HEATR9: variants seen among roughly 807,000 people sequenced by gnomAD.
The protein encoded by HEATR9 is protein HEATR9.
A neutral mutation model predicts 68.2 loss-of-function variants in HEATR9; 54 were observed. The ratio of observed to expected loss-of-function variants is 0.79; its 90% CI spans 0.64 to 0.99. The LOEUF (loss-of-function observed/expected upper bound fraction) is 0.99, where lower values mean the gene tolerates loss of function less well. HEATR9 is among the 50% of genes least tolerant of loss of function. The pLI, the probability that HEATR9 is intolerant of heterozygous loss-of-function variation, is 0.00. For missense variants in HEATR9, 662 were observed against 679.7 expected, an observed-to-expected ratio of 0.97 and a Z score of 0.29; for synonymous variants, 241 against 253.5, an observed-to-expected ratio of 0.95 and a Z score of 0.47.
chr17:35,859,818 T>TG (rs2087912543), intron 8 of HEATR9, among the ~76,000 whole-genome samples: 1 of 152,244 alleles, frequency 6.6e-6, no homozygotes, highest in Admixed American at 6.5e-5. Context: ...TGGGCAGTTC[T>TG]CTTTCTCACT....
intron 6 of HEATR9, chr17:35,863,951 T>G (rs999433546): frequency 3.7e-6 from 2 of 538,424 alleles, no homozygotes; most frequent in Non-Finnish European, 6.6e-6. Flanking sequence ...GTGTTTCCAG[T>G]AAAGGCAGAG....
Position 35,868,814 on chromosome 17 carries a change from G to A in HEATR9, c.-72C>T. On this transcript the variant is annotated 5_prime_UTR_variant, in exon 1 of 15. Transcript: ENST00000604834. Reference sequence around the variant, plus strand: ...AGGCTTTTAGGGGAGTGGGGGCACAGCTGGAGGAGACCTGTCCTCTGTGGT... The same window carrying A: ...AGGCTTTTAGGGGAGTGGGGGCACAACTGGAGGAGACCTGTCCTCTGTGGT... 1.5e-6 allele frequency: 2 copies of A among 1,343,604 alleles called. No individual in the cohort carries two copies. The highest frequency in any genetic ancestry group is 1.8e-4 in the Middle Eastern group (1 of 5,566). 83.2% of individuals were successfully genotyped at this position (1,343,604 alleles called of 1,614,324 possible). A position where few individuals can be genotyped will look rare whatever the true frequency, so the allele number is the denominator to read the frequency against.
intron 1 of HEATR9, among the ~76,000 whole-genome samples, chr17:35,867,666 A>T (rs762372717): frequency 6.6e-6 from 1 of 152,070 alleles, no homozygotes; most frequent in Non-Finnish European, 1.5e-5. Flanking sequence ...GAAAAAAAAA[A>T]TCACTTGGAG....
intron 8 of HEATR9, among the ~76,000 whole-genome samples, chr17:35,862,137 TCAA>T (rs1238436266): frequency 6.6e-6 from 1 of 152,122 alleles, no homozygotes; most frequent in Non-Finnish European, 1.5e-5. Flanking sequence ...CCTCAGCCTC[TCAA>T]CGTGCTGGGA....
rs2087855641 is a variant in HEATR9 at position 35,858,444 on chromosome 17, T to C, written c.1021A>G (p.Ser341Gly). ...KAILDQLCSS[S>G]VLEDRFEATQ... is the part of the protein sequence containing the mutation. ...AGTCCAGAGCTTACCTCAAGGACACTGGAAGAACACAGCTGGTCTAGGATG... is the reference window on the plus strand; with the variant it reads ...AGTCCAGAGCTTACCTCAAGGACACCGGAAGAACACAGCTGGTCTAGGATG... Residue 341 changes from serine to glycine, a missense_variant, in exon 10 of 15, where the codon AGT becomes GGT. Physicochemically the swap from Ser to Gly is moderately conservative, Grantham distance 56. Transcript: ENST00000604834. 6.2e-7 allele frequency: 1 copy of C among 1,614,114 alleles called. No homozygotes were observed. The highest frequency in any genetic ancestry group is 8.5e-7 in the Non-Finnish European group (1 of 1,180,002).
intron 8 of HEATR9, chr17:35,861,304 T>C: frequency 7.1e-7 from 1 of 1,399,766 alleles, no homozygotes; most frequent in Non-Finnish European, 1.0e-6. Context: ...GTCAATAGTT[T>C]TATTCCATAG....
chr17:35,858,789 C>T, intron 9 of HEATR9, 99 bp downstream of exon 9: 1 of 1,328,662 alleles, frequency 7.5e-7, no homozygotes, highest in Middle Eastern at 2.7e-4. Flanking sequence ...CACAGAGGAT[C>T]CTGCAGTGCT....
rs945636458 is a variant in HEATR9 at position 35,865,121 on chromosome 17, T to G, written c.320+94A>C. 45 of 1,444,472 alleles carry G rather than the reference T, an allele frequency of 3.1e-5. No homozygotes were observed. The African/African-American group carries it at 5.8e-4, about 19-fold the overall frequency. The allele number at this position is 1,444,472 out of a possible 1,614,324, so 89.5% of individuals were successfully genotyped here. A position where few individuals can be genotyped will look rare whatever the true frequency, so the allele number is the denominator to read the frequency against. ...TCCTCTCTGGGACCTGTAGGCTGAC[T>G]TGCCTTACTCCCTGGCCCACCCCTT... is the stretch of plus-strand genomic sequence containing the variant. On this transcript the variant is annotated intron_variant, in intron 3 of 14. Coordinates refer to ENST00000604834, the MANE Select transcript of HEATR9 (RefSeq NM_152781.4).
At chr17:35,859,222 T>A (rs2087888984) in intron 8 of HEATR9, 152 bp from the exon 9 acceptor site, 1 of 693,316 alleles carries the variant, frequency 1.4e-6, no homozygotes, top group African/African-American at 1.8e-5. Context: ...ACCTACTTGC[T>A]TCTAGGTCAG....
chr17:35,858,671 G>T, intron 9 of HEATR9, 146 bp from the exon 10 acceptor site: 2 of 837,940 alleles, frequency 2.4e-6, no homozygotes, highest in Non-Finnish European at 3.8e-6. Context: ...AGAAGTTCAT[G>T]TGTGCATATA....
At chr17:35,868,483 A>G in intron 1 of HEATR9, 172 bp downstream of exon 1, 1 of 1,226,716 alleles carries the variant, frequency 8.2e-7, no homozygotes, top group Admixed American at 2.9e-5. Context: ...CCTGCTGAGG[A>G]GCCTGAGACC....
chr17:35,862,116 G>C (rs2088016598), intron 8 of HEATR9, among the ~76,000 whole-genome samples: 2 of 152,058 alleles, frequency 1.3e-5, no homozygotes, highest in Admixed American at 1.3e-4. Context: ...CTGACCTCAA[G>C]TGAACATCTG....
In HEATR9 at chr17:35,855,306, C is replaced by T. The variant is rs1002521285; in HGVS notation, c.1470G>A (p.Lys490=). Residue 490 remains lysine, a synonymous_variant, in exon 15 of 15, where the codon AAG becomes AAA. Transcript: ENST00000604834. ...CTTTCTGGAACCTTGTGGGCTCTGCCTTCACATTGGTCTTAGGTGCCTCAT... is the reference window on the plus strand; with the variant it reads ...CTTTCTGGAACCTTGTGGGCTCTGCTTTCACATTGGTCTTAGGTGCCTCAT... ...SVYEAPKTNV[K]AEPTRFQKEP... is the part of the protein sequence containing the mutation. The T allele has an allele frequency of 6.2e-7, 1 of 1,614,174 alleles. No homozygotes were observed.
chr17:35,855,490 G>T, intron 14 of HEATR9, 80 bp from the exon 15 acceptor site: 2 of 1,403,926 alleles, frequency 1.4e-6, no homozygotes, highest in South Asian at 1.2e-5. Context: ...ACCCAAAGTA[G>T]GGGGGAATTC....
At chr17:35,867,384 G>A (rs1005185541) in intron 1 of HEATR9, among the ~76,000 whole-genome samples, 3 of 127,452 alleles carry the variant, frequency 2.4e-5, no homozygotes, top group South Asian at 2.6e-4. Flanking sequence ...GCAGGGAGCC[G>A]AGATCATGCC....
chr17:35,862,649 G>T (rs927591515), intron 8 of HEATR9, among the ~76,000 whole-genome samples: 2 of 152,174 alleles, frequency 1.3e-5, no homozygotes, highest in African/African-American at 4.8e-5. Context: ...AGGTTGTAAT[G>T]CCATGCCCAT....
rs201010551 is a variant in HEATR9, at chr17:35,856,185, T to A, written c.1266A>T (p.Ala422=). The change falls in exon 13 of 15, where the codon GCA becomes GCT. Residue 422 remains alanine, a synonymous_variant. Coordinates refer to ENST00000604834, the MANE Select transcript of HEATR9 (RefSeq NM_152781.4). ...GAGCCTGCCTTACCAAAGAGATGAC[T>A]GCTTCCTGGCGTGCAGTGGCATCTG... The part of the protein sequence containing the change: ...MNPDATARQE[A]VISLGVLGIR... 20 of 1,614,140 alleles carry A rather than the reference T, an allele frequency of 1.2e-5. No individual in the cohort carries two copies. The Middle Eastern group carries it at 1.8e-3, about 147-fold the overall frequency.
At chr17:35,868,467 G>T (rs1428869772) in intron 1 of HEATR9, 188 bp downstream of exon 1, 8 of 1,052,554 alleles carry the variant, frequency 7.6e-6, no homozygotes, top group Non-Finnish European at 1.0e-5. Context: ...AGAGATCCCT[G>T]TAGGCCCTGC....
intron 6 of HEATR9, chr17:35,863,766 T>G: frequency 3.4e-5 from 21 of 616,270 alleles, no homozygotes; most frequent in East Asian, 8.3e-5. Flanking sequence ...TTCAAATCTC[T>G]ATCTGGTATC....
Sources: allele counts gnomAD v4.1 joint callset (sites outside exome capture counted in the v4.1 genomes callset), GRCh38; gene constraint gnomAD v4.1.1; transcripts MANE v1.5; gene names NCBI Gene and HGNC (gene_info 2026-07-23, HGNC 2026-07-21).